The following RUBCNL variants were observed in gnomAD, a reference collection of about 807,000 sequenced individuals.
RUBCNL encodes the protein rubicon like autophagy enhancer.
In RUBCNL, 62 loss-of-function variants were observed where a neutral mutation model predicts 69.5. The observed-to-expected ratio is 0.89, with a 90% CI of 0.73 to 1.10. The LOEUF (loss-of-function observed/expected upper bound fraction) is 1.10. Ranked by LOEUF, RUBCNL falls within the 50% of genes least tolerant of loss-of-function variation. RUBCNL has a pLI of 0.00. For missense variants in RUBCNL, 768 were observed against 798.1 expected, an observed-to-expected ratio of 0.96 and a Z score of 0.45; for synonymous variants, 291 against 303.6, an observed-to-expected ratio of 0.96 and a Z score of 0.43.
rs201021946 is a variant in RUBCNL, at chr13:46,368,853, G to T, written c.536-38C>A. The T allele has an allele frequency of 3.5e-5, 50 of 1,445,892 alleles. No homozygotes were observed. The African/African-American group carries it at 3.5e-4, about 10-fold the overall frequency. 89.6% of individuals were successfully genotyped at this position (1,445,892 alleles called of 1,614,324 possible). A position where few individuals can be genotyped will look rare whatever the true frequency, so the allele number is the denominator to read the frequency against. On this transcript the variant is annotated intron_variant, in intron 3 of 14. Coordinates refer to ENST00000429979, the MANE Select transcript of RUBCNL (RefSeq NM_025113.5). Reference sequence around the variant, plus strand: ...CAAATTGTTAAAAATGGGGAAAAGGGAGTTTAAAGATTACCTAATAAAATA... The same window carrying T: ...CAAATTGTTAAAAATGGGGAAAAGGTAGTTTAAAGATTACCTAATAAAATA...
At chr13:46,375,512 G>A (rs2761952) in intron 2 of RUBCNL, among the ~76,000 whole-genome samples, 58,753 of 151,584 alleles carry the variant, frequency 0.39, 11,914 homozygotes, top group East Asian at 0.58. Context: ...CAGCCTGGAC[G>A]ACAGCGAGAC....
intron 8 of RUBCNL, 134 bp from the exon 9 acceptor site, chr13:46,359,765 G>A (rs1427562177): frequency 1.2e-6 from 1 of 856,352 alleles, no homozygotes; most frequent in Non-Finnish European, 1.7e-6. Context: ...CTGAACTAAA[G>A]GGCATACCAA....
chr13:46,388,443 A>AAGAAGGAAGGAAGGAAGGT (rs1383937056), upstream of RUBCNL, among the ~76,000 whole-genome samples: 7 of 150,746 alleles, frequency 4.6e-5, no homozygotes, highest in African/African-American at 1.7e-4. Flanking sequence ...GAAGGAAGGA[A>AAGAAGGAAGGAAGGAAGGT]AGAAGGAAGG....
In RUBCNL at chr13:46,342,714, G is replaced by A. The variant is rs1008375164; in HGVS notation, c.*671C>T. 6.6e-6 allele frequency: 1 copy of A among 152,280 alleles called. No homozygotes were observed. Among genetic ancestry groups the A allele is most frequent in the African/African-American group, 2.4e-5 (1 of 41,450 alleles). 9.4% of individuals were successfully genotyped at this position (152,280 alleles called of 1,614,324 possible). Reference sequence around the variant, plus strand: ...ACATTGCAGTGTGTGGAACAGAGATGACAAATACAGGTTCAATTTGTGCCA... The same window carrying A: ...ACATTGCAGTGTGTGGAACAGAGATAACAAATACAGGTTCAATTTGTGCCA... On this transcript the variant is annotated 3_prime_UTR_variant, in exon 15 of 15. Transcript: ENST00000429979.
upstream of RUBCNL, chr13:46,387,429 A>G: frequency 1.0e-6 from 1 of 985,210 alleles, no homozygotes; most frequent in African/African-American, 1.7e-5. Flanking sequence ...GCGCGCTCCT[A>G]CACCGGTGCC....
chr13:46,360,057 C>G (rs546617752), intron 8 of RUBCNL, among the ~76,000 whole-genome samples: 13 of 152,294 alleles, frequency 8.5e-5, no homozygotes, highest in African/African-American at 3.1e-4. Context: ...TCAGTGCCTC[C>G]CCGCTGAACC....
chr13:46,372,676 A>T, intron 2 of RUBCNL, 79 bp from the exon 3 acceptor site: 2 of 1,349,666 alleles, frequency 1.5e-6, no homozygotes, highest in South Asian at 3.3e-5. Context: ...AGATGGCAAA[A>T]CCCAAAAAAT....
chr13:46,379,386 T>C (rs1277283413), intron 1 of RUBCNL, among the ~76,000 whole-genome samples: 9 of 152,216 alleles, frequency 5.9e-5, no homozygotes, highest in Admixed American at 5.9e-4. Context: ...GAGGGCACTT[T>C]TTAAAATAAC....
intron 5 of RUBCNL, among the ~76,000 whole-genome samples, chr13:46,366,311 G>T (rs2048753464): frequency 6.6e-6 from 1 of 152,202 alleles, no homozygotes; most frequent in Admixed American, 6.5e-5. Context: ...GAGTTGTTGA[G>T]ATGTGACCTG....
At position 46,335,726 on chromosome 13, in the gene RUBCNL, T is replaced by A; in HGVS notation, c.*7659A>T. On this transcript the variant is annotated 3_prime_UTR_variant, in exon 15 of 15. Transcript: ENST00000429979. The stretch of plus-strand genomic sequence containing the variant: ...TTTTGTAGGTAGAGCTGACAGAAGT[T>A]ACTGATGGACTGGATCTGGGGAGTG... Among the ~76,000 whole-genome samples, 1 of 152,200 alleles carries A rather than the reference T, an allele frequency of 6.6e-6. No homozygotes were observed. The highest frequency in any genetic ancestry group is 1.9e-4 in the East Asian group (1 of 5,182).
At chr13:46,387,032 C>T (rs907628515) in intron 1 of RUBCNL, 102 bp downstream of exon 1, 2 of 938,222 alleles carry the variant, frequency 2.1e-6, no homozygotes, top group Non-Finnish European at 2.5e-6. Context: ...TCTGGCGCCA[C>T]TTCCACCATC....
In RUBCNL at chr13:46,339,796, T is replaced by C. The variant is rs2048128557; in HGVS notation, c.*3589A>G. On this transcript the variant is annotated 3_prime_UTR_variant, in exon 15 of 15. Coordinates refer to ENST00000429979, the MANE Select transcript of RUBCNL (RefSeq NM_025113.5). ...ATCACTTGAACCCAGGTGGCGGAGG[T>C]TGAAGTGAGCTGAGATCGCACCACT... Among the ~76,000 whole-genome samples, 1 of 151,712 alleles carries C rather than the reference T, an allele frequency of 6.6e-6. No individual in the cohort carries two copies. Among genetic ancestry groups the C allele is most frequent in the Non-Finnish European group, 1.5e-5 (1 of 67,960 alleles).
At position 46,341,482 on chromosome 13, in the gene RUBCNL, T is replaced by C. The variant is rs2048142000; in HGVS notation, c.*1903A>G. Among the ~76,000 whole-genome samples, 1 of 152,212 alleles carries C rather than the reference T, an allele frequency of 6.6e-6. No individual in the cohort carries two copies. Among genetic ancestry groups the C allele is most frequent in the Non-Finnish European group, 1.5e-5 (1 of 68,030 alleles). On this transcript the variant is annotated 3_prime_UTR_variant, in exon 15 of 15. Transcript: ENST00000429979. The stretch of plus-strand genomic sequence containing the variant: ...AAATCCCATACTGCAGTTATTTAAA[T>C]GACCTCATTCTTCCTCAAAATAGAA...
chr13:46,362,939 GATAT>G (rs57722239), intron 6 of RUBCNL, among the ~76,000 whole-genome samples, 172 bp downstream of exon 6: 13 of 41,494 alleles, frequency 3.1e-4, no homozygotes, highest in South Asian at 3.1e-3. Context: ...TATATATATA[GATAT>G]ATATATATAT....
chr13:46,363,951 C>T (rs563849294), intron 5 of RUBCNL, among the ~76,000 whole-genome samples: 1 of 146,990 alleles, frequency 6.8e-6, no homozygotes, highest in Non-Finnish European at 1.5e-5. Flanking sequence ...CTGATAATAG[C>T]ATTAATAATC....
Position 46,356,414 on chromosome 13 carries a change from T to A in RUBCNL, c.1330+18A>T, listed in dbSNP as rs1594146087. The A allele has an allele frequency of 1.9e-6, 3 of 1,612,368 alleles. No homozygotes were observed. Among genetic ancestry groups the A allele is most frequent in the Non-Finnish European group, 2.5e-6 (3 of 1,179,356 alleles). On this transcript the variant is annotated intron_variant, in intron 10 of 14. Transcript: ENST00000429979. ...TTGTCATCACATCATAAGCAGGCGATCCATTATCCGTACTTACTAGGCTCT... is the reference window on the plus strand; with the variant it reads ...TTGTCATCACATCATAAGCAGGCGAACCATTATCCGTACTTACTAGGCTCT...
intron 2 of RUBCNL, among the ~76,000 whole-genome samples, chr13:46,373,098 C>T (rs972654058): frequency 6.6e-6 from 1 of 151,934 alleles, no homozygotes; most frequent in Non-Finnish European, 1.5e-5. Context: ...CTCAGCCTCC[C>T]GAGCAGCTGG....
intron 1 of RUBCNL, among the ~76,000 whole-genome samples, chr13:46,383,378 C>A (rs1173134609): frequency 6.6e-6 from 1 of 152,214 alleles, no homozygotes; most frequent in Non-Finnish European, 1.5e-5. Context: ...AAAACCACAT[C>A]TCTACAGATA....
Position 46,337,089 on chromosome 13 carries a change from C to G in RUBCNL, c.*6296G>C, listed in dbSNP as rs1481157758. The stretch of plus-strand genomic sequence containing the variant: ...GAGGCCCTCACAAAGGGAATTAGTG[C>G]CCTTGTAAAACAGACCCCAGGGGGT... On this transcript the variant is annotated 3_prime_UTR_variant, in exon 15 of 15. Transcript: ENST00000429979. Among the ~76,000 whole-genome samples the G allele has an allele frequency of 1.3e-5, 2 of 151,802 alleles. No homozygotes were observed. Among genetic ancestry groups the G allele is most frequent in the South Asian group, 4.2e-4 (2 of 4,792 alleles).
Sources: allele counts gnomAD v4.1 joint callset (sites outside exome capture counted in the v4.1 genomes callset), GRCh38; gene constraint gnomAD v4.1.1; transcripts MANE v1.5; gene names NCBI Gene and HGNC (gene_info 2026-07-23, HGNC 2026-07-21).